CTNNA2: variants seen among roughly 807,000 people sequenced by gnomAD.
The protein encoded by CTNNA2 is catenin alpha 2.
A neutral mutation model predicts 101.0 loss-of-function variants in CTNNA2; 42 were observed. That is an observed-to-expected ratio of 0.42 (90% CI 0.32 to 0.54). The LOEUF is 0.54. CTNNA2 is among the 20% of genes least tolerant of loss of function. The pLI, the probability that CTNNA2 is intolerant of heterozygous loss-of-function variation, is 0.14. For missense variants in CTNNA2, 871 were observed against 1,223.1 expected, an observed-to-expected ratio of 0.71 and a Z score of 4.29; for synonymous variants, 450 against 456.4, an observed-to-expected ratio of 0.99 and a Z score of 0.18.
chr2:80,399,383 C>T (rs957480955), intron 8 of CTNNA2, among the ~76,000 whole-genome samples: 3 of 152,116 alleles, frequency 2.0e-5, no homozygotes, highest in Non-Finnish European at 4.4e-5. Flanking sequence ...ATTCAATTCA[C>T]AAAGTGGTTC....
chr2:80,622,419 G>A (rs62152005), intron 18 of CTNNA2, among the ~76,000 whole-genome samples: 8,972 of 151,982 alleles, frequency 0.059, 289 homozygotes, highest in African/African-American at 0.088. Context: ...GTCAGATGGT[G>A]ATGGAAATGT....
chr2:79,230,772 AG>A (rs1236529162), intron 2 of CTNNA2, among the ~76,000 whole-genome samples: 2 of 152,206 alleles, frequency 1.3e-5, no homozygotes, highest in Admixed American at 6.5e-5. Context: ...GCAAAGCCAC[AG>A]GGGCAGAGCT....
chr2:79,851,283 C>G (rs985383569), intron 3 of CTNNA2, among the ~76,000 whole-genome samples: 3 of 152,182 alleles, frequency 2.0e-5, no homozygotes, highest in Admixed American at 2.0e-4. Context: ...ATGAGCTGAC[C>G]AGACCTGTAA....
At chr2:79,542,094 T>C (rs1673461157) in intron 1 of CTNNA2, among the ~76,000 whole-genome samples, 2 of 152,152 alleles carry the variant, frequency 1.3e-5, no homozygotes, top group Non-Finnish European at 2.9e-5. Flanking sequence ...GCAACTGAAA[T>C]GTGCCGAACC....
At chr2:80,582,116 A>G (rs150311718) in intron 14 of CTNNA2, among the ~76,000 whole-genome samples, 1 of 152,226 alleles carries the variant, frequency 6.6e-6, no homozygotes, top group Non-Finnish European at 1.5e-5. Context: ...GAATTAGATG[A>G]TAGACTGATA....
At chr2:80,154,325 T>G (rs1368993362) in intron 7 of CTNNA2, among the ~76,000 whole-genome samples, 1 of 152,152 alleles carries the variant, frequency 6.6e-6, no homozygotes, top group African/African-American at 2.4e-5. Context: ...GTTGGTTTAA[T>G]TAGAAGAGAT....
At chr2:79,578,994 ATAACT>A (rs1216185445) in intron 1 of CTNNA2, among the ~76,000 whole-genome samples, 8 of 152,046 alleles carry the variant, frequency 5.3e-5, no homozygotes, top group African/African-American at 1.9e-4. Flanking sequence ...ATTACTACTA[ATAACT>A]TAGGTTGTTC....
chr2:80,438,923 C>G (rs752091992), intron 9 of CTNNA2, among the ~76,000 whole-genome samples: 2 of 152,200 alleles, frequency 1.3e-5, no homozygotes, highest in Non-Finnish European at 2.9e-5. Flanking sequence ...TTTTTATGCT[C>G]TGTCTGAGAA....
chr2:80,441,299 C>T (rs748141387), intron 9 of CTNNA2, among the ~76,000 whole-genome samples: 1 of 152,102 alleles, frequency 6.6e-6, no homozygotes, highest in Non-Finnish European at 1.5e-5. Flanking sequence ...GATGAGGTGT[C>T]CTTTTGCTGT....
chr2:79,623,832 T>C (rs1679139565), intron 1 of CTNNA2, among the ~76,000 whole-genome samples: 1 of 152,196 alleles, frequency 6.6e-6, no homozygotes, highest in African/African-American at 2.4e-5. Context: ...TGGATATTAA[T>C]TTCACCATAT....
intron 1 of CTNNA2, among the ~76,000 whole-genome samples, chr2:79,549,020 G>T (rs1673916799): frequency 6.6e-6 from 1 of 152,144 alleles, no homozygotes. Flanking sequence ...CCGCTTAATG[G>T]TTATGTGTCC....
At chr2:79,387,948 A>G (rs754825462) in intron 4 of CTNNA2, among the ~76,000 whole-genome samples, 2 of 152,228 alleles carry the variant, frequency 1.3e-5, no homozygotes, top group Non-Finnish European at 2.9e-5. Flanking sequence ...CACAGAGAGT[A>G]GAGATCCTAT....
At chr2:79,300,045 C>T (rs1016415971) in intron 2 of CTNNA2, among the ~76,000 whole-genome samples, 3 of 152,058 alleles carry the variant, frequency 2.0e-5, no homozygotes, top group African/African-American at 7.2e-5. Context: ...ATTGATGAAC[C>T]AATATTGATA....
chr2:79,585,808 T>C (rs1676449857), intron 1 of CTNNA2, among the ~76,000 whole-genome samples: 1 of 150,062 alleles, frequency 6.7e-6, no homozygotes, highest in Non-Finnish European at 1.5e-5. Flanking sequence ...TGCAGGTCCC[T>C]TCAGTATCCA....
intron 15 of CTNNA2, among the ~76,000 whole-genome samples, chr2:80,598,409 T>TA (rs1055707774): frequency 3.3e-5 from 5 of 151,804 alleles, no homozygotes; most frequent in African/African-American, 1.2e-4. Context: ...CCATGCCACA[T>TA]ATAAAGCTAT....
chr2:80,456,360 G>C (rs1332074049), intron 9 of CTNNA2, among the ~76,000 whole-genome samples: 1 of 152,176 alleles, frequency 6.6e-6, no homozygotes, highest in Non-Finnish European at 1.5e-5. Flanking sequence ...TCTGTGTGTT[G>C]TGCAGCCCTG....
At chr2:79,284,820 G>A (rs1675514774) in intron 2 of CTNNA2, among the ~76,000 whole-genome samples, 1 of 147,260 alleles carries the variant, frequency 6.8e-6, no homozygotes, top group Non-Finnish European at 1.5e-5. Context: ...GATTGGAATA[G>A]TTTCAGAAGG....
chr2:80,582,066 C>G (rs1233784494), intron 14 of CTNNA2, among the ~76,000 whole-genome samples: 1 of 152,082 alleles, frequency 6.6e-6, no homozygotes, highest in East Asian at 1.9e-4. Flanking sequence ...TCACAGCAAG[C>G]TTTTATGTGT....
chr2:79,704,874 T>C (rs1446370302), intron 2 of CTNNA2, among the ~76,000 whole-genome samples: 2 of 152,116 alleles, frequency 1.3e-5, no homozygotes, highest in African/African-American at 4.8e-5. Flanking sequence ...CTGCACTTTG[T>C]CTACATTTCT....
Sources: gnomAD v4.1 joint callset for allele counts (sites outside exome capture counted in the v4.1 genomes callset) on GRCh38, gnomAD v4.1.1 for gene constraint, MANE v1.5 for transcripts, NCBI Gene and HGNC (gene_info 2026-07-23, HGNC 2026-07-21) for gene names.